The following RYR2 variants were observed in gnomAD, a reference collection of about 807,000 sequenced individuals.
RYR2 encodes the protein cardiac muscle ryanodine receptor-calcium release channel.
A neutral mutation model predicts 601.1 loss-of-function variants in RYR2; 227 were observed. That is an observed-to-expected ratio of 0.38 (90% CI 0.34 to 0.42). RYR2 has a LOEUF of 0.42. RYR2 is among the 10% of genes least tolerant of loss of function. RYR2 has a pLI of 1.00. For missense variants in RYR2, 4,646 were observed against 6,156.5 expected (o/e 0.75, Z 8.21); for synonymous variants, 2,223 against 2,175.1 (o/e 1.02, Z -0.61).
intron 1 of RYR2, among the ~76,000 whole-genome samples, chr1:237,217,277 C>T (rs912702661): frequency 6.6e-6 from 1 of 151,728 alleles, no homozygotes; most frequent in African/African-American, 2.4e-5. Flanking sequence ...AGGTAGTCTA[C>T]GTGCCTGACT....
At chr1:237,475,409 C>G (rs1391313444) in intron 17 of RYR2, among the ~76,000 whole-genome samples, 1 of 152,128 alleles carries the variant, frequency 6.6e-6, no homozygotes, top group Non-Finnish European at 1.5e-5. Context: ...TAGGCTTTCT[C>G]TTGATCTTAA....
intron 97 of RYR2, among the ~76,000 whole-genome samples, chr1:237,801,372 A>G (rs1659946214): frequency 1.7e-5 from 1 of 59,182 alleles, no homozygotes; most frequent in African/African-American, 4.7e-5. Context: ...CTCTACAAAA[A>G]AAAAAAAAAA....
chr1:237,112,467 A>G (rs1236678849), intron 1 of RYR2, among the ~76,000 whole-genome samples: 1 of 149,806 alleles, frequency 6.7e-6, no homozygotes, highest in Non-Finnish European at 1.5e-5. Flanking sequence ...CATGATTCCC[A>G]TTTTTATTTT....
chr1:237,608,040 G>A (rs1409373211), intron 35 of RYR2, among the ~76,000 whole-genome samples: 5 of 152,140 alleles, frequency 3.3e-5, no homozygotes, highest in African/African-American at 9.7e-5. Flanking sequence ...ACACCATTGT[G>A]CTAAAAAGAG....
At chr1:237,664,186 A>G (rs1293845888) in intron 56 of RYR2, among the ~76,000 whole-genome samples, 2 of 152,238 alleles carry the variant, frequency 1.3e-5, no homozygotes, top group African/African-American at 2.4e-5. Flanking sequence ...AGGGGAATGG[A>G]GATTAGAATG....
At chr1:237,827,708 G>T (rs1663282660) in intron 101 of RYR2, among the ~76,000 whole-genome samples, 1 of 151,450 alleles carries the variant, frequency 6.6e-6, no homozygotes, top group Non-Finnish European at 1.5e-5. Flanking sequence ...GGAGGCCGAG[G>T]CAGGCGGATC....
chr1:237,713,394 TTTTG>T (rs1489994726), intron 71 of RYR2, among the ~76,000 whole-genome samples: 1 of 152,120 alleles, frequency 6.6e-6, no homozygotes, highest in Non-Finnish European at 1.5e-5. Context: ...TTGTTTTTGT[TTTTG>T]TTTGTTTTGT....
At chr1:237,331,572 A>G (rs1032518743) in intron 3 of RYR2, among the ~76,000 whole-genome samples, 4 of 151,718 alleles carry the variant, frequency 2.6e-5, no homozygotes, top group East Asian at 1.9e-4. Flanking sequence ...GCGCGATCTC[A>G]GCTCACTGCA....
chr1:237,531,500 T>C (rs1416897328), intron 25 of RYR2, among the ~76,000 whole-genome samples: 1 of 152,228 alleles, frequency 6.6e-6, no homozygotes, highest in African/African-American at 2.4e-5. Flanking sequence ...GTAGATGTAT[T>C]AAATAATAGC....
At chr1:237,613,277 C>A (rs1213864389) in intron 36 of RYR2, among the ~76,000 whole-genome samples, 1 of 152,140 alleles carries the variant, frequency 6.6e-6, no homozygotes, top group East Asian at 1.9e-4. Flanking sequence ...TTTTGGTCAG[C>A]GGGGGTGGTT....
At chr1:237,641,947 G>T (rs61832663) in intron 47 of RYR2, among the ~76,000 whole-genome samples, 8,043 of 152,098 alleles carry the variant, frequency 0.053, 303 homozygotes, top group Non-Finnish European at 0.082. Context: ...TTATTTTATT[G>T]TAGTTGATTC....
chr1:237,468,003 C>T (rs184809976), intron 16 of RYR2, among the ~76,000 whole-genome samples: 11 of 151,774 alleles, frequency 7.2e-5, no homozygotes, highest in African/African-American at 1.9e-4. Context: ...GGATTACAGG[C>T]GCCCACCACC....
intron 101 of RYR2, among the ~76,000 whole-genome samples, chr1:237,826,937 C>T (rs1663162491): frequency 6.6e-6 from 1 of 152,194 alleles, no homozygotes; most frequent in African/African-American, 2.4e-5. Context: ...AACCACGGTG[C>T]TGTATTGACC....
intron 62 of RYR2, among the ~76,000 whole-genome samples, chr1:237,685,590 AAATAGATT>A (rs1686314011): frequency 6.6e-6 from 1 of 150,760 alleles, no homozygotes; most frequent in South Asian, 2.1e-4. Context: ...ACATGACTTA[AAATAGATT>A]GGAGTACAGG....
chr1:237,769,330 G>A (rs1465465131), intron 84 of RYR2, among the ~76,000 whole-genome samples: 4 of 151,968 alleles, frequency 2.6e-5, no homozygotes, highest in South Asian at 2.1e-4. Flanking sequence ...TCTCCCTTTC[G>A]TTTCCTATCC....
At chr1:237,548,365 T>C in intron 25 of RYR2, 66 bp from the exon 26 acceptor site, 3 of 1,535,584 alleles carry the variant, frequency 2.0e-6, no homozygotes, top group Middle Eastern at 1.7e-4. Context: ...GGCCAGAAAA[T>C]GATATTTACA....
chr1:237,789,393 C>T (rs1319780803), intron 92 of RYR2, among the ~76,000 whole-genome samples: 1 of 152,102 alleles, frequency 6.6e-6, no homozygotes, highest in African/African-American at 2.4e-5. Context: ...ACTACATTTC[C>T]TAAACCATCT....
intron 1 of RYR2, among the ~76,000 whole-genome samples, chr1:237,095,871 G>T (rs1667454788): frequency 1.3e-5 from 2 of 152,218 alleles, no homozygotes; most frequent in African/African-American, 4.8e-5. Context: ...GAATAGGCGG[G>T]GAAGTGGACT....
intron 12 of RYR2, among the ~76,000 whole-genome samples, chr1:237,424,001 G>A (rs556847423): frequency 6.6e-6 from 1 of 152,166 alleles, no homozygotes; most frequent in East Asian, 1.9e-4. Flanking sequence ...GAGAGTGAGT[G>A]TGAAGGAGAA....
Sources: gnomAD v4.1 joint callset for allele counts (sites outside exome capture counted in the v4.1 genomes callset) on GRCh38, gnomAD v4.1.1 for gene constraint, MANE v1.5 for transcripts, NCBI Gene and HGNC (gene_info 2026-07-23, HGNC 2026-07-21) for gene names.